Variants in CLNK observed in about 807,000 individuals in gnomAD.
CLNK encodes the protein cytokine dependent hematopoietic cell linker.
A neutral mutation model predicts 68.6 loss-of-function variants in CLNK; 74 were observed. The ratio of observed to expected loss-of-function variants is 1.08; its 90% confidence interval spans 0.89 to 1.31. The LOEUF (loss-of-function observed/expected upper bound fraction) is 1.31, where lower values mean the gene tolerates loss of function less well. Among genes scored for constraint, CLNK ranks in the 50% most tolerant of loss-of-function variants. CLNK has a pLI of 0.00. For synonymous variants in CLNK, 198 were observed against 172.2 expected (o/e 1.15, Z -1.17); for missense variants, 553 against 515.3 (o/e 1.07, Z -0.71).
chr4:10,670,749 A>G (rs1453653682), intron 1 of CLNK, among the ~76,000 whole-genome samples: 1 of 152,216 alleles, frequency 6.6e-6, no homozygotes, highest in Non-Finnish European at 1.5e-5. Context: ...GGTGACAAAA[A>G]TGGTTTCAAA....
chr4:10,625,723 C>T (rs1464374851), intron 2 of CLNK, among the ~76,000 whole-genome samples: 1 of 151,802 alleles, frequency 6.6e-6, no homozygotes, highest in Non-Finnish European at 1.5e-5. Flanking sequence ...GGCAGAGAAA[C>T]AGAGACAGCA....
At chr4:10,669,612 A>G (rs1009584397) in intron 1 of CLNK, among the ~76,000 whole-genome samples, 2 of 152,176 alleles carry the variant, frequency 1.3e-5, no homozygotes, top group African/African-American at 4.8e-5. Context: ...GATTGAGATG[A>G]TCAAGGATCA....
intron 2 of CLNK, among the ~76,000 whole-genome samples, chr4:10,663,444 T>A (rs1367617336): frequency 6.6e-6 from 1 of 152,242 alleles, no homozygotes; most frequent in Non-Finnish European, 1.5e-5. Context: ...GGGCAGGGAC[T>A]AGATCTTATT....
At chr4:10,512,321 C>T (rs918193773) in intron 16 of CLNK, among the ~76,000 whole-genome samples, 8 of 151,822 alleles carry the variant, frequency 5.3e-5, no homozygotes, top group Non-Finnish European at 8.8e-5. Context: ...ACCTCCATCT[C>T]CCAGGTTCAA....
At chr4:10,523,888 G>C in intron 14 of CLNK, 2 of 339,682 alleles carry the variant, frequency 5.9e-6, no homozygotes, top group South Asian at 4.7e-5. Flanking sequence ...AGCTGGGCAT[G>C]GTGGCATGTG....
chr4:10,711,052 A>G, the CLNK span, among the ~76,000 whole-genome samples: 1 of 152,210 alleles, frequency 6.6e-6, no homozygotes, highest in Non-Finnish European at 1.5e-5. Context: ...GATTGGTTTC[A>G]TGCTTAAGGT....
chr4:10,706,862 C>A, the CLNK span, among the ~76,000 whole-genome samples: 1 of 152,130 alleles, frequency 6.6e-6, no homozygotes, highest in Non-Finnish European at 1.5e-5. Context: ...AAAAGGACCC[C>A]CAGAAACTTG....
intron 3 of CLNK, among the ~76,000 whole-genome samples, chr4:10,588,980 A>G (rs1200276030): frequency 3.9e-5 from 6 of 152,188 alleles, no homozygotes; most frequent in Non-Finnish European, 8.8e-5. Flanking sequence ...AGCTTTGGTT[A>G]GACAAGATAA....
At position 10,490,430 on chromosome 4, in the gene CLNK, C is replaced by A. The variant is rs1250425840; in HGVS notation, c.*37G>T. 3.8e-6 allele frequency: 6 copies of A among 1,599,832 alleles called. No homozygotes were observed. The highest frequency in any genetic ancestry group is 5.1e-6 in the Non-Finnish European group (6 of 1,174,658). On this transcript the variant is annotated 3_prime_UTR_variant, in exon 19 of 19. Coordinates refer to ENST00000226951, the MANE Select transcript of CLNK (RefSeq NM_052964.4). ...GAAATCAATGAAAACAATGGAAGCG[C>A]TGAATCCAGTAAACCAAAGATAACA...
intron 2 of CLNK, among the ~76,000 whole-genome samples, chr4:10,603,410 T>C (rs1232094406): frequency 6.6e-6 from 1 of 152,228 alleles, no homozygotes; most frequent in Non-Finnish European, 1.5e-5. Flanking sequence ...CATTTAATCC[T>C]CTTAACAATC....
chr4:10,640,464 C>T (rs890001733), intron 2 of CLNK, among the ~76,000 whole-genome samples: 2 of 152,210 alleles, frequency 1.3e-5, no homozygotes, highest in African/African-American at 4.8e-5. Context: ...TTGCACCTGG[C>T]CTGGACTAAC....
At chr4:10,697,265 C>T in the CLNK span, 2 of 152,192 alleles carry the variant, frequency 1.3e-5, no homozygotes, top group African/African-American at 2.4e-5. Flanking sequence ...TCTCTCACCC[C>T]AAAGTTACCT....
intron 18 of CLNK, among the ~76,000 whole-genome samples, chr4:10,499,245 A>G (rs1449560150): frequency 1.3e-5 from 2 of 152,214 alleles, no homozygotes. Flanking sequence ...GAAAGGGGAC[A>G]GGGGCAGGAC....
chr4:10,512,031 G>T (rs1343117996), intron 16 of CLNK, among the ~76,000 whole-genome samples: 1 of 152,086 alleles, frequency 6.6e-6, no homozygotes, highest in Non-Finnish European at 1.5e-5. Flanking sequence ...AAATCATAAA[G>T]GTATACTCAA....
At chr4:10,597,789 G>C (rs1176963865) in intron 3 of CLNK, among the ~76,000 whole-genome samples, 189 bp downstream of exon 3, 2 of 152,154 alleles carry the variant, frequency 1.3e-5, no homozygotes, top group East Asian at 3.9e-4. Flanking sequence ...GCCTAGGTTT[G>C]TATCACACAC....
chr4:10,677,381 T>A (rs61794273), intron 1 of CLNK, among the ~76,000 whole-genome samples: 6,191 of 152,138 alleles, frequency 0.041, 188 homozygotes, highest in Middle Eastern at 0.1. Flanking sequence ...CCTGAAAAAT[T>A]TGTGAGGGAA....
intron 16 of CLNK, among the ~76,000 whole-genome samples, chr4:10,511,262 C>T (rs2109036121): frequency 6.6e-6 from 1 of 152,294 alleles, no homozygotes; most frequent in South Asian, 2.1e-4. Context: ...CACATGTTCT[C>T]AGGATCTCTG....
chr4:10,680,198 T>A (rs909410442), intron 1 of CLNK, among the ~76,000 whole-genome samples: 2 of 151,926 alleles, frequency 1.3e-5, no homozygotes, highest in Non-Finnish European at 2.9e-5. Context: ...TAAAAAATGA[T>A]GAGTTCATGT....
rs71281268 is a variant in CLNK, at chr4:10,654,384, A to AATATATATATATATATATATATATATAT, written c.11+13474_11+13475insATATATATATATATATATATATATATAT. ...TATATAGATAAATATATATTGATTA[A>AATATATATATATATATATATATATATAT]ATATATATATATATATATAGAAAGT... On this transcript the variant is annotated intron_variant, in intron 2 of 18. Transcript: ENST00000226951. Among the ~76,000 whole-genome samples, 672 of 83,866 alleles carry AATATATATATATATATATATATATATAT rather than the reference A, an allele frequency of 8.0e-3. 48 individuals are homozygous for AATATATATATATATATATATATATATAT. The highest frequency in any genetic ancestry group is 0.015 in the South Asian group (39 of 2,646). The allele number at this position is 83,866 out of a possible 152,430, so 55.0% of individuals were successfully genotyped here. A position where few individuals can be genotyped will look rare whatever the true frequency, so the allele number is the denominator to read the frequency against.
Sources: gnomAD v4.1 joint callset for allele counts (sites outside exome capture counted in the v4.1 genomes callset) on GRCh38, gnomAD v4.1.1 for gene constraint, MANE v1.5 for transcripts, NCBI Gene and HGNC (gene_info 2026-07-23, HGNC 2026-07-21) for gene names.